GCLM: variants seen among roughly 807,000 people sequenced by gnomAD.
GCLM encodes glutamate--cysteine ligase regulatory subunit.
GCLM carries 15 observed loss-of-function variants against 36.0 expected under a neutral mutation model. The ratio of observed to expected loss-of-function variants is 0.42; its 90% CI spans 0.28 to 0.64. The LOEUF (loss-of-function observed/expected upper bound fraction) is 0.64. Among genes scored for constraint, GCLM ranks in the 30% least tolerant of loss-of-function variants. The pLI, the probability that GCLM is intolerant of heterozygous loss-of-function variation, is 0.25. For missense variants in GCLM, 242 were observed against 325.5 expected, an observed-to-expected ratio of 0.74 and a Z score of 1.97; for synonymous variants, 129 against 122.8, an observed-to-expected ratio of 1.05 and a Z score of -0.34.
At chr1:93,904,156 A>ACTGACATTT (rs1657061831) in intron 2 of GCLM, 1 of 249,900 alleles carries the variant, frequency 4.0e-6, no homozygotes, top group African/African-American at 2.3e-5. Context: ...TTCATCAGAA[A>ACTGACATTT]CTGACATTTG....
At chr1:93,906,542 T>A (rs1657153207) in intron 1 of GCLM, among the ~76,000 whole-genome samples, 1 of 152,136 alleles carries the variant, frequency 6.6e-6, no homozygotes, top group African/African-American at 2.4e-5. Context: ...TTGAAACCAT[T>A]TCTTTAATTA....
chr1:93,907,539 T>C (rs894989722), intron 1 of GCLM, among the ~76,000 whole-genome samples: 2 of 152,208 alleles, frequency 1.3e-5, no homozygotes, highest in Admixed American at 6.5e-5. Context: ...AGAAACTCTT[T>C]TGAGTCACTA....
intron 6 of GCLM, 62 bp from the exon 7 acceptor site, chr1:93,889,221 T>C (rs1656438989): frequency 3.4e-6 from 4 of 1,165,782 alleles, no homozygotes; most frequent in South Asian, 3.3e-5. Context: ...AAAAGCACTT[T>C]AGTATGTAGG....
intron 5 of GCLM, 106 bp from the exon 6 acceptor site, chr1:93,894,834 TCA>T (rs1356922373): frequency 3.2e-6 from 2 of 628,894 alleles, no homozygotes; most frequent in Non-Finnish European, 5.8e-6. Context: ...ATATGAAAAA[TCA>T]CAATCCACAG....
rs1192352013 is a variant in GCLM at position 93,885,589 on chromosome 1, T to C, written c.*3401A>G. The stretch of plus-strand genomic sequence containing the variant: ...CATGAAAAAGGTATATGTTCTGGTA[T>C]ATTAGGAAGTTAATGATGAAAAATA... On this transcript the variant is annotated 3_prime_UTR_variant, in exon 7 of 7. Coordinates refer to ENST00000370238, the MANE Select transcript of GCLM (RefSeq NM_002061.4). 3.9e-5 allele frequency: 6 copies of C among 152,226 alleles called. No homozygotes were observed. The highest frequency in any genetic ancestry group is 2.1e-4 in the South Asian group (1 of 4,836). The allele number at this position is 152,226 out of a possible 1,614,324, so 9.4% of individuals were successfully genotyped here.
intron 5 of GCLM, among the ~76,000 whole-genome samples, chr1:93,895,400 AGTTT>A (rs1305171301): frequency 6.6e-6 from 1 of 152,200 alleles, no homozygotes; most frequent in Non-Finnish European, 1.5e-5. Context: ...GATTTTTGTT[AGTTT>A]GTTAAGTGTG....
chr1:93,895,963 CTTTTT>C (rs577913729), intron 5 of GCLM, among the ~76,000 whole-genome samples: 2 of 133,512 alleles, frequency 1.5e-5, no homozygotes, highest in Middle Eastern at 3.5e-3. Flanking sequence ...GTTTTTCTTT[CTTTTT>C]TTTTTTTTTT....
intron 6 of GCLM, among the ~76,000 whole-genome samples, chr1:93,890,684 C>G (rs1002102568): frequency 6.6e-6 from 1 of 151,924 alleles, no homozygotes; most frequent in African/African-American, 2.4e-5. Context: ...AGAAACAAAC[C>G]GTCACAATGA....
rs1571200437 is a variant in GCLM, at chr1:93,896,480, GAAACA to G, written c.540+133_540+137del. The G allele has an allele frequency of 7.3e-6, 5 of 685,810 alleles. No individual in the cohort carries two copies. The East Asian group carries it at 1.2e-4, about 17-fold the overall frequency. The allele number at this position is 685,810 out of a possible 1,614,324, so 42.5% of individuals were successfully genotyped here. ...TAAAACCTGCCTCAAAACTCCTGCA[GAAACA>G]AAACAAAACTCCCACATGTGGAAAA... is the stretch of plus-strand genomic sequence containing the variant. On this transcript the variant is annotated intron_variant, in intron 5 of 6. Coordinates refer to ENST00000370238, the MANE Select transcript of GCLM (RefSeq NM_002061.4).
chr1:93,908,850 C>T, intron 1 of GCLM, 188 bp downstream of exon 1: 1 of 402,604 alleles, frequency 2.5e-6, no homozygotes, highest in Non-Finnish European at 4.3e-6. Context: ...GACGCGTTGC[C>T]CTCGGCAGCG....
intron 4 of GCLM, 57 bp downstream of exon 4, chr1:93,897,782 T>C (rs1442021725): frequency 2.4e-6 from 2 of 839,264 alleles, no homozygotes; most frequent in Non-Finnish European, 3.8e-6. Context: ...TTATAACTAA[T>C]ACACCTATAC....
At chr1:93,901,815 A>C in intron 2 of GCLM, 146 bp from the exon 3 acceptor site, 1 of 558,594 alleles carries the variant, frequency 1.8e-6, no homozygotes, top group Non-Finnish European at 3.1e-6. Context: ...TGGGCTTCAC[A>C]AGGGTTGTAA....
At chr1:93,905,947 G>C (rs1158890741) in intron 1 of GCLM, among the ~76,000 whole-genome samples, 1 of 152,102 alleles carries the variant, frequency 6.6e-6, no homozygotes, top group East Asian at 1.9e-4. Context: ...ATTCTTCTGT[G>C]GGCAATCAAT....
intron 6 of GCLM, among the ~76,000 whole-genome samples, chr1:93,893,210 GC>G (rs1408508746): frequency 6.6e-6 from 1 of 152,136 alleles, no homozygotes; most frequent in Non-Finnish European, 1.5e-5. Flanking sequence ...TTTGCCCAAA[GC>G]CAGCTGGGTG....
intron 4 of GCLM, among the ~76,000 whole-genome samples, chr1:93,897,555 A>G (rs2100915374): frequency 6.7e-6 from 1 of 150,174 alleles, no homozygotes; most frequent in South Asian, 2.1e-4. Flanking sequence ...TTGATATTTC[A>G]CCTCTAGTAC....
chr1:93,897,978 T>A, intron 3 of GCLM, 80 bp from the exon 4 acceptor site: 1 of 589,990 alleles, frequency 1.7e-6, no homozygotes, highest in Admixed American at 3.6e-5. Context: ...ACTACTATAA[T>A]ACTAAGATGT....
chr1:93,902,449 A>T (rs1656992055), intron 2 of GCLM, among the ~76,000 whole-genome samples: 1 of 149,664 alleles, frequency 6.7e-6, no homozygotes, highest in Admixed American at 6.6e-5. Flanking sequence ...AAGTGCTGGG[A>T]TTACAGGCAT....
At chr1:93,893,382 C>T (rs1257966049) in intron 6 of GCLM, among the ~76,000 whole-genome samples, 1 of 152,158 alleles carries the variant, frequency 6.6e-6, no homozygotes, top group African/African-American at 2.4e-5. Context: ...CTCCATCTCC[C>T]CCTCCTCTGA....
intron 2 of GCLM, chr1:93,904,266 C>G (rs1357547449): frequency 4.6e-6 from 2 of 431,172 alleles, no homozygotes; most frequent in Non-Finnish European, 8.4e-6. Flanking sequence ...AAATAAAACA[C>G]TGATAGTGAG....
Sources: gnomAD v4.1 joint callset for allele counts (sites outside exome capture counted in the v4.1 genomes callset) on GRCh38, gnomAD v4.1.1 for gene constraint, MANE v1.5 for transcripts, NCBI Gene and HGNC (gene_info 2026-07-23, HGNC 2026-07-21) for gene names.